MAGI2: variants seen among roughly 807,000 people sequenced by gnomAD.
MAGI2 encodes the protein membrane associated guanylate kinase, WW and PDZ domain containing 2, also known as membrane-associated guanylate kinase, WW and PDZ domain-containing protein 2.
A neutral mutation model predicts 133.3 loss-of-function variants in MAGI2; 35 were observed. The ratio of observed to expected loss-of-function variants is 0.26; its 90% CI spans 0.20 to 0.35. The LOEUF (loss-of-function observed/expected upper bound fraction) is 0.35, where lower values mean the gene tolerates loss of function less well. Among genes scored for constraint, MAGI2 ranks in the 10% least tolerant of loss-of-function variants. The probability of loss-of-function intolerance (pLI) is 1.00; values close to 1 mark genes in which losing one functional copy is unlikely to be tolerated. For synonymous variants in MAGI2, 729 were observed against 710.6 expected (o/e 1.03, Z -0.41); for missense variants, 1,636 against 1,863.4 (o/e 0.88, Z 2.25).
intron 6 of MAGI2, among the ~76,000 whole-genome samples, chr7:78,419,872 A>G (rs1039285176): frequency 5.9e-5 from 9 of 152,118 alleles, no homozygotes; most frequent in Admixed American, 5.2e-4. Context: ...GTAGCATTGA[A>G]GAACCACCCT....
chr7:78,869,204 C>T (rs1794832916), intron 2 of MAGI2, among the ~76,000 whole-genome samples: 1 of 152,158 alleles, frequency 6.6e-6, no homozygotes, highest in African/African-American at 2.4e-5. Context: ...GTTTATTTTG[C>T]TGTGCAGAAG....
At chr7:78,346,460 G>A (rs1380686013) in intron 7 of MAGI2, among the ~76,000 whole-genome samples, 1 of 152,182 alleles carries the variant, frequency 6.6e-6, no homozygotes, top group Non-Finnish European at 1.5e-5. Context: ...TAAATGTGAG[G>A]TAAATTCATT....
chr7:78,651,750 G>C (rs997028722), intron 2 of MAGI2, among the ~76,000 whole-genome samples: 2 of 152,086 alleles, frequency 1.3e-5, no homozygotes, highest in African/African-American at 4.8e-5. Context: ...TAATTGTTCA[G>C]TGTACTTTGA....
chr7:79,193,469 C>A (rs1347375507), intron 1 of MAGI2, among the ~76,000 whole-genome samples: 1 of 151,792 alleles, frequency 6.6e-6, no homozygotes, highest in Non-Finnish European at 1.5e-5. Flanking sequence ...AATACATATG[C>A]AGGTACAAAC....
chr7:78,344,018 A>G (rs1447254350), intron 8 of MAGI2, 58 bp from the exon 9 acceptor site: 1 of 1,525,104 alleles, frequency 6.6e-7, no homozygotes, highest in Non-Finnish European at 8.9e-7. Context: ...AAGTTCTCAG[A>G]CAAGAGAAAG....
At chr7:79,041,537 G>A (rs1003415894) in intron 1 of MAGI2, among the ~76,000 whole-genome samples, 5 of 151,972 alleles carry the variant, frequency 3.3e-5, no homozygotes, top group Non-Finnish European at 7.4e-5. Flanking sequence ...GTTGTTTTAG[G>A]AAATGCACAA....
intron 1 of MAGI2, among the ~76,000 whole-genome samples, chr7:79,199,898 G>A (rs1456660567): frequency 6.6e-6 from 1 of 151,700 alleles, no homozygotes; most frequent in Non-Finnish European, 1.5e-5. Flanking sequence ...TACATTTCAG[G>A]GAGATTTCTA....
chr7:79,388,651 T>C (rs1381207520), intron 1 of MAGI2, among the ~76,000 whole-genome samples: 1 of 151,782 alleles, frequency 6.6e-6, no homozygotes, highest in East Asian at 1.9e-4. Context: ...TAATGAATCT[T>C]ACAGAAAGGC....
At chr7:78,629,511 A>G (rs1320655590) in intron 2 of MAGI2, among the ~76,000 whole-genome samples, 1 of 152,030 alleles carries the variant, frequency 6.6e-6, no homozygotes, top group Non-Finnish European at 1.5e-5. Flanking sequence ...AAGGACTATG[A>G]AAAAACCAGA....
intron 9 of MAGI2, among the ~76,000 whole-genome samples, chr7:78,263,946 TTC>T (rs1196155369): frequency 9.9e-5 from 15 of 152,148 alleles, no homozygotes; most frequent in Admixed American, 3.9e-4. Context: ...TTGTTTCTCC[TTC>T]TCTCCTTGCT....
chr7:78,214,042 GGA>G (rs1293093218), intron 10 of MAGI2, among the ~76,000 whole-genome samples: 10 of 152,148 alleles, frequency 6.6e-5, no homozygotes, highest in Non-Finnish European at 1.0e-4. Flanking sequence ...CTCCATAATT[GGA>G]GACCTCCTCA....
chr7:79,205,739 G>A (rs1014110312), intron 1 of MAGI2, among the ~76,000 whole-genome samples: 2 of 148,910 alleles, frequency 1.3e-5, no homozygotes, highest in African/African-American at 2.6e-5. Context: ...GGCAAGAGTG[G>A]AGGAAAAATG....
At chr7:79,344,129 A>G (rs1841126633) in intron 1 of MAGI2, among the ~76,000 whole-genome samples, 1 of 152,088 alleles carries the variant, frequency 6.6e-6, no homozygotes. Flanking sequence ...ATAATGTCAA[A>G]CTCTGTGAAC....
chr7:79,034,955 CTGGCAATTTGACTGAT>C (rs1810971823), intron 1 of MAGI2, among the ~76,000 whole-genome samples: 1 of 152,170 alleles, frequency 6.6e-6, no homozygotes, highest in African/African-American at 2.4e-5. Context: ...CTAGAGCAGA[CTGGCAATTTGACTGAT>C]ATCCTAAATG....
chr7:78,588,210 T>C (rs895929319), intron 3 of MAGI2, among the ~76,000 whole-genome samples: 5 of 152,246 alleles, frequency 3.3e-5, no homozygotes, highest in Admixed American at 6.5e-5. Flanking sequence ...ATCTTTGTTA[T>C]GTGACAATTA....
intron 3 of MAGI2, among the ~76,000 whole-genome samples, chr7:78,552,683 C>G (rs1189744636): frequency 6.6e-6 from 1 of 152,058 alleles, no homozygotes; most frequent in African/African-American, 2.4e-5. Context: ...GTGATTCGTC[C>G]CAGCTACAAT....
intron 1 of MAGI2, among the ~76,000 whole-genome samples, chr7:79,367,956 G>T (rs848910): frequency 0.01 from 1,516 of 148,872 alleles, 28 homozygotes; most frequent in African/African-American, 0.036. Flanking sequence ...AAGCCACAAG[G>T]GTGTGGAATC....
intron 2 of MAGI2, among the ~76,000 whole-genome samples, chr7:78,720,943 G>A (rs1366734320): frequency 2.0e-5 from 3 of 152,086 alleles, no homozygotes; most frequent in African/African-American, 7.2e-5. Context: ...ATGCCACACA[G>A]TATGTAAGGA....
chr7:78,703,771 G>A (rs1166413819), intron 2 of MAGI2, among the ~76,000 whole-genome samples: 1 of 151,458 alleles, frequency 6.6e-6, no homozygotes, highest in Admixed American at 6.6e-5. Flanking sequence ...TATTGATTTG[G>A]TCTTTTTCTC....
Sources: allele counts gnomAD v4.1 joint callset (sites outside exome capture counted in the v4.1 genomes callset), GRCh38; gene constraint gnomAD v4.1.1; transcripts MANE v1.5; gene names NCBI Gene and HGNC (gene_info 2026-07-23, HGNC 2026-07-21).